PGM2L1: variants seen among roughly 807,000 people sequenced by gnomAD.
PGM2L1 encodes phosphoglucomutase 2 like 1.
Under a neutral mutation model 73.4 loss-of-function variants are expected in PGM2L1, and 35 were observed. That is an observed-to-expected ratio of 0.48 (90% confidence interval 0.36 to 0.63). PGM2L1 has a LOEUF of 0.63. Among genes scored for constraint, PGM2L1 ranks in the 30% least tolerant of loss-of-function variants. PGM2L1 has a pLI of 0.00. For missense variants in PGM2L1, 570 were observed against 742.0 expected, an observed-to-expected ratio of 0.77 and a Z score of 2.69; for synonymous variants, 225 against 253.8, an observed-to-expected ratio of 0.89 and a Z score of 1.08.
rs1383458734 is a variant in PGM2L1 at position 74,330,628 on chromosome 11, A to G, written c.*6024T>C. On this transcript the variant is annotated 3_prime_UTR_variant, in exon 14 of 14. Coordinates refer to ENST00000298198, the MANE Select transcript of PGM2L1 (RefSeq NM_173582.6). ...ACAAGGCCTCACCATACATAGAAGC[A>G]GAGTCTTGCTTGAGTGGCTCTTGTA... The G allele has an allele frequency of 6.6e-6, 1 of 152,652 alleles. No individual in the cohort carries two copies. The highest frequency in any genetic ancestry group is 2.4e-5 in the African/African-American group (1 of 41,462). 9.5% of individuals were successfully genotyped at this position (152,652 alleles called of 1,614,324 possible). A position where few individuals can be genotyped will look rare whatever the true frequency, so the allele number is the denominator to read the frequency against.
chr11:74,336,880 C>A, intron 13 of PGM2L1, 126 bp from the exon 14 acceptor site: 2 of 614,284 alleles, frequency 3.3e-6, no homozygotes, highest in Non-Finnish European at 5.2e-6. Flanking sequence ...AAGAGAAATT[C>A]ACTTGGTTAA....
At position 74,398,356 on chromosome 11, in the gene PGM2L1, C is replaced by A; in HGVS notation, c.-195G>T. 1 of 811,468 alleles carries A rather than the reference C, an allele frequency of 1.2e-6. No individual in the cohort carries two copies. The highest frequency in any genetic ancestry group is 1.7e-6 in the Non-Finnish European group (1 of 573,634). The allele number at this position is 811,468 out of a possible 1,614,324, so 50.3% of individuals were successfully genotyped here. A position where few individuals can be genotyped will look rare whatever the true frequency, so the allele number is the denominator to read the frequency against. On this transcript the variant is annotated 5_prime_UTR_variant, in exon 1 of 14. Coordinates refer to ENST00000298198, the MANE Select transcript of PGM2L1 (RefSeq NM_173582.6). The stretch of plus-strand genomic sequence containing the variant: ...GAGAGAGGGGGTTTATGGCCGCCTG[C>A]TCCCCAGCGGACCAGGTCCGGGTCT...
At chr11:74,392,996 G>A (rs1006731242) in intron 1 of PGM2L1, among the ~76,000 whole-genome samples, 2 of 152,182 alleles carry the variant, frequency 1.3e-5, no homozygotes, top group Non-Finnish European at 2.9e-5. Flanking sequence ...CTTAAAAGCC[G>A]TATCTCCTTT....
chr11:74,333,512 C>T lies in PGM2L1; in HGVS notation c.*3140G>A, dbSNP rs1053021. ...TTTCTTCCTTTTTATTTCTGCTCTA[C>T]CTCTTCCTGAGTTCTCACATGATTC... On this transcript the variant is annotated 3_prime_UTR_variant, in exon 14 of 14. Coordinates refer to ENST00000298198, the MANE Select transcript of PGM2L1 (RefSeq NM_173582.6). 82,524 of 152,070 alleles carry T rather than the reference C, an allele frequency of 0.54. 24,657 individuals are homozygous for T. Among genetic ancestry groups the T allele is most frequent in the East Asian group, 0.8 (4,156 of 5,176 alleles). The allele number at this position is 152,070 out of a possible 1,614,324, so 9.4% of individuals were successfully genotyped here. A position where few individuals can be genotyped will look rare whatever the true frequency, so the allele number is the denominator to read the frequency against.
intron 13 of PGM2L1, 77 bp from the exon 14 acceptor site, chr11:74,336,831 A>T: frequency 1.0e-6 from 1 of 994,008 alleles, no homozygotes; most frequent in Non-Finnish European, 1.5e-6. Context: ...GTGATTTTTT[A>T]AGAGGTCCTG....
At chr11:74,391,432 C>T (rs1460734040) in intron 1 of PGM2L1, among the ~76,000 whole-genome samples, 2 of 152,044 alleles carry the variant, frequency 1.3e-5, no homozygotes, top group Non-Finnish European at 2.9e-5. Context: ...GAAGTTACTC[C>T]ACATCAACTT....
chr11:74,379,857 G>A (rs1011826051), intron 1 of PGM2L1, among the ~76,000 whole-genome samples: 12 of 151,866 alleles, frequency 7.9e-5, no homozygotes, highest in Non-Finnish European at 1.3e-4. Context: ...TGTGGGAGGC[G>A]GAGGTTAGAG....
chr11:74,347,941 C>G (rs1484453253), intron 6 of PGM2L1, among the ~76,000 whole-genome samples: 4 of 152,168 alleles, frequency 2.6e-5, no homozygotes, highest in African/African-American at 4.8e-5. Context: ...TACTTTTTTA[C>G]TCTCCAAGAT....
chr11:74,374,662 T>G, intron 1 of PGM2L1, 80 bp from the exon 2 acceptor site: 1 of 1,197,922 alleles, frequency 8.3e-7, no homozygotes. Flanking sequence ...GGTCAATATG[T>G]ACATATCACA....
intron 1 of PGM2L1, among the ~76,000 whole-genome samples, chr11:74,395,874 CT>C (rs1235669627): frequency 6.6e-6 from 1 of 151,992 alleles, no homozygotes; most frequent in East Asian, 1.9e-4. Flanking sequence ...TTACAGGTTT[CT>C]TTAATATTTC....
Position 74,347,315 on chromosome 11 carries a change from A to G in PGM2L1, c.772T>C (p.Leu258=), listed in dbSNP as rs761825232. 4 of 1,600,786 alleles carry G rather than the reference A, an allele frequency of 2.5e-6. No individual in the cohort carries two copies. The highest frequency in any genetic ancestry group is 2.3e-5 in the South Asian group (2 of 87,574). The change falls in exon 7 of 14, where the codon TTG becomes CTG. Residue 258 remains leucine, a synonymous_variant. Coordinates refer to ENST00000298198, the MANE Select transcript of PGM2L1 (RefSeq NM_173582.6). ...FYRELNSKTT[L]KFVHTSFHGV... ...TGAAAAGATGTGTGCACAAATTTCA[A>G]GGTGGTCTTCGAGTTTAACTCCCTG...
chr11:74,363,261 G>A (rs1862595147), intron 5 of PGM2L1, among the ~76,000 whole-genome samples: 1 of 152,108 alleles, frequency 6.6e-6, no homozygotes. Flanking sequence ...GAAATTTATA[G>A]CACTAAATGC....
intron 5 of PGM2L1, among the ~76,000 whole-genome samples, chr11:74,353,879 C>CAGACGGGCCCCCCACCTCCCAGA (rs1318579258): frequency 1.1e-3 from 163 of 148,046 alleles, no homozygotes; most frequent in Middle Eastern, 0.01. Flanking sequence ...GGCTGCCGGG[C>CAGACGGGCCCCCCACCTCCCAGA]GGGGGCTGAA....
intron 5 of PGM2L1, 49 bp from the exon 6 acceptor site, chr11:74,351,625 T>C (rs759798081): frequency 1.9e-5 from 28 of 1,452,252 alleles, no homozygotes; most frequent in East Asian, 1.8e-4. Context: ...GCTTGCCAGA[T>C]CTTTTCTTGT....
intron 4 of PGM2L1, among the ~76,000 whole-genome samples, chr11:74,368,895 A>G (rs968385877): frequency 6.6e-6 from 1 of 152,172 alleles, no homozygotes; most frequent in Non-Finnish European, 1.5e-5. Context: ...GTTATATCCC[A>G]TAATTTTTGC....
In PGM2L1 at chr11:74,332,216, A is replaced by T. The variant is rs190632807; in HGVS notation, c.*4436T>A. On this transcript the variant is annotated 3_prime_UTR_variant, in exon 14 of 14. Transcript: ENST00000298198. ...GCTCCCCAAGTACAAGGAAACCTGA[A>T]ATAGAATGTTATGTCAATTGCCCAT... The T allele has an allele frequency of 3.3e-5, 5 of 152,344 alleles. No individual in the cohort carries two copies. The East Asian group carries it at 9.6e-4, about 29-fold the overall frequency. 9.4% of individuals were successfully genotyped at this position (152,344 alleles called of 1,614,324 possible).
rs1426854334 is a variant in PGM2L1 at position 74,331,363 on chromosome 11, A to G, written c.*5289T>C. ...CCACAACCTCCACCTCCTGGGTTCA[A>G]GTGATTCTCCTGCCTCAGCCTCCCG... On this transcript the variant is annotated 3_prime_UTR_variant, in exon 14 of 14. Transcript: ENST00000298198. 3 of 150,370 alleles carry G rather than the reference A, an allele frequency of 2.0e-5. No individual in the cohort carries two copies. Among genetic ancestry groups the G allele is most frequent in the Non-Finnish European group, 4.4e-5 (3 of 67,988 alleles). The allele number at this position is 150,370 out of a possible 1,614,324, so 9.3% of individuals were successfully genotyped here. A position where few individuals can be genotyped will look rare whatever the true frequency, so the allele number is the denominator to read the frequency against.
rs1229424472 is a variant in PGM2L1 at position 74,354,564 on chromosome 11, G to A, written c.556-2988C>T. ...CATTTTGAGCAATGGGAATGCTCAC[G>A]AACTGTGTGGTAATGAAAGACCCAA... On this transcript the variant is annotated intron_variant, in intron 5 of 13. Coordinates refer to ENST00000298198, the MANE Select transcript of PGM2L1 (RefSeq NM_173582.6). The A allele has an allele frequency of 5.6e-5, 64 of 1,142,600 alleles. No individual in the cohort carries two copies. In the East Asian group the frequency reaches 9.8e-4, roughly 18 times the overall value. 70.8% of individuals were successfully genotyped at this position (1,142,600 alleles called of 1,614,324 possible).
At chr11:74,380,636 A>T (rs1053471951) in intron 1 of PGM2L1, among the ~76,000 whole-genome samples, 19 of 152,170 alleles carry the variant, frequency 1.2e-4, no homozygotes, top group African/African-American at 3.1e-4. Context: ...TGAAAAATTT[A>T]AAAAAGTTAA....
Sources: gnomAD v4.1 joint callset for allele counts (sites outside exome capture counted in the v4.1 genomes callset) on GRCh38, gnomAD v4.1.1 for gene constraint, MANE v1.5 for transcripts, NCBI Gene and HGNC (gene_info 2026-07-23, HGNC 2026-07-21) for gene names.